EGF: variants seen among roughly 807,000 people sequenced by gnomAD.
EGF encodes the protein epidermal growth factor, also known as pro-epidermal growth factor.
EGF carries 95 observed loss-of-function variants against 143.8 expected under a neutral mutation model. That is an observed-to-expected ratio of 0.66 (90% CI 0.56 to 0.78). The LOEUF (loss-of-function observed/expected upper bound fraction) is 0.78. Ranked by LOEUF, EGF falls within the 30% of genes least tolerant of loss-of-function variation. The probability of loss-of-function intolerance (pLI) is 0.00; values close to 1 mark genes in which losing one functional copy is unlikely to be tolerated. For synonymous variants in EGF, 510 were observed against 510.5 expected (o/e 1.00, Z 0.01); for missense variants, 1,320 against 1,470.9 (o/e 0.90, Z 1.68).
chr4:109,968,707 T>TCTATCTACCTAC (rs139653683), intron 10 of EGF: 4 of 351,424 alleles, frequency 1.1e-5, no homozygotes, highest in African/African-American at 9.7e-5. Flanking sequence ...TATCTATCTA[T>TCTATCTACCTAC]CTACCTACCT....
intron 10 of EGF, among the ~76,000 whole-genome samples, chr4:109,967,491 T>C (rs1746791496): frequency 6.6e-6 from 1 of 152,174 alleles, no homozygotes; most frequent in Non-Finnish European, 1.5e-5. Flanking sequence ...CTTTATTTCT[T>C]TTTGCTTAGT....
Position 109,933,529 on chromosome 4 carries a change from C to T in EGF, c.128-7417C>T, listed in dbSNP as rs1210137584. Among the ~76,000 whole-genome samples the T allele has an allele frequency of 3.3e-5, 5 of 151,754 alleles. No individual in the cohort carries two copies. In the East Asian group the frequency reaches 5.8e-4, roughly 18 times the overall value. On this transcript the variant is annotated intron_variant, in intron 1 of 23. Transcript: ENST00000265171. ...TGTTTGTTTGCTGCACCCATCAACT[C>T]GTCGTTTACATTAGGTATTTCTCCC...
intron 7 of EGF, among the ~76,000 whole-genome samples, chr4:109,961,303 C>T (rs1463605700): frequency 1.3e-5 from 2 of 152,002 alleles, no homozygotes; most frequent in Non-Finnish European, 2.9e-5. Flanking sequence ...TGCAGTGAGC[C>T]GAAATCAAGC....
intron 16 of EGF, among the ~76,000 whole-genome samples, chr4:109,984,775 G>A (rs192540831): frequency 1.7e-3 from 257 of 152,294 alleles, no homozygotes; most frequent in African/African-American, 5.9e-3. Context: ...TTAAGTTAGT[G>A]ACTTGACCAA....
intron 21 of EGF, chr4:110,004,215 T>TACACACAG (rs1752944434): frequency 3.0e-6 from 1 of 335,564 alleles, no homozygotes; most frequent in Non-Finnish European, 5.4e-6. Flanking sequence ...TGGGCATACA[T>TACACACAG]ACACACACAC....
intron 2 of EGF, among the ~76,000 whole-genome samples, chr4:109,942,007 T>C (rs1256616212): frequency 1.3e-5 from 2 of 152,222 alleles, no homozygotes; most frequent in East Asian, 3.9e-4. Flanking sequence ...TAGCCAAATA[T>C]TTCTCTTTCC....
intron 1 of EGF, among the ~76,000 whole-genome samples, chr4:109,914,251 C>T (rs2125915905): frequency 6.6e-6 from 1 of 152,306 alleles, no homozygotes; most frequent in Admixed American, 6.5e-5. Flanking sequence ...GCTGCTTAGA[C>T]ACGGCAGCCG....
At chr4:109,940,385 A>G (rs1741705831) in intron 1 of EGF, among the ~76,000 whole-genome samples, 1 of 152,238 alleles carries the variant, frequency 6.6e-6, no homozygotes, top group African/African-American at 2.4e-5. Flanking sequence ...TGTGGTAAAG[A>G]TAACAGGGTC....
At chr4:109,988,812 G>A in intron 18 of EGF, 103 bp downstream of exon 18, 1 of 1,540,284 alleles carries the variant, frequency 6.5e-7, no homozygotes, top group Non-Finnish European at 8.9e-7. Flanking sequence ...TAATTGGGGT[G>A]ACACACATGT....
chr4:109,968,867 G>C (rs1215025552), intron 10 of EGF, 104 bp from the exon 11 acceptor site: 1 of 1,513,108 alleles, frequency 6.6e-7, no homozygotes, highest in African/African-American at 1.4e-5. Context: ...TATCTCCAAA[G>C]TCAAGCTCTT....
chr4:109,988,622 C>T lies in EGF; in HGVS notation c.2647C>T (p.Pro883Ser), dbSNP rs775907076. ...TGAGATGGGTGTCCCAGTGTGCCCC[C>T]CTGCCTCCTCCAAGTGCATCAACAC... ...ECEMGVPVCP[P>S]ASSKCINTEG... is the part of the protein sequence containing the mutation. The change falls in exon 18 of 24, where the codon CCT becomes TCT. Residue 883 changes from proline (P) to serine (S), a missense_variant. By Grantham distance (74) the Pro-to-Ser change is moderately conservative. Around this residue, in one of 5 missense-constraint regions of EGF, gnomAD observed 1,186 missense variants for 1,313.7 expected, o/e 0.90. Coordinates refer to ENST00000265171, the MANE Select transcript of EGF (RefSeq NM_001963.6). 1.9e-6 allele frequency: 3 copies of T among 1,614,078 alleles called. No homozygotes were observed. Among genetic ancestry groups the T allele is most frequent in the Admixed American group, 1.7e-5 (1 of 60,022 alleles).
intron 11 of EGF, among the ~76,000 whole-genome samples, chr4:109,971,959 T>C (rs1004479310): frequency 6.6e-6 from 1 of 152,124 alleles, no homozygotes; most frequent in Non-Finnish European, 1.5e-5. Context: ...ATTCCTAAAG[T>C]CAATTGCCTA....
rs1001924750 is a variant in EGF, at chr4:109,931,603, A to G, written c.128-9343A>G. Among the ~76,000 whole-genome samples, 5 of 152,206 alleles carry G rather than the reference A, an allele frequency of 3.3e-5. No homozygotes were observed. In the South Asian group the frequency reaches 1.0e-3, roughly 31 times the overall value. Reference sequence around the variant, plus strand: ...ATTGAATTTCCTCTTAATTAGATCCATGTTTTCCTGGTTCACCAAGACCTG... The same window carrying G: ...ATTGAATTTCCTCTTAATTAGATCCGTGTTTTCCTGGTTCACCAAGACCTG... On this transcript the variant is annotated intron_variant, in intron 1 of 23. Coordinates refer to ENST00000265171, the MANE Select transcript of EGF (RefSeq NM_001963.6).
chr4:109,943,404 C>A lies in EGF; in HGVS notation c.478C>A (p.Pro160Thr), dbSNP rs144013010. 6.2e-7 allele frequency: 1 copy of A among 1,613,546 alleles called. No homozygotes were observed. Among genetic ancestry groups the A allele is most frequent in the Admixed American group, 1.7e-5 (1 of 59,994 alleles). Residue 160 changes from proline (P) to threonine (T), a missense_variant, in exon 3 of 24, where the codon CCT becomes ACT. By Grantham distance (38) the Pro-to-Thr change is conservative (BLOSUM62 -1). Coordinates refer to ENST00000265171, the MANE Select transcript of EGF (RefSeq NM_001963.6). ...SHILLSALKYPANVAVDPVER... is the reference protein window; with the variant it reads ...SHILLSALKYTANVAVDPVER... ...CATTCTTTTAAGTGCTTTAAAATATCCTGCAAATGTAGCAGTTGATCCAGT... is the reference window on the plus strand; with the variant it reads ...CATTCTTTTAAGTGCTTTAAAATATACTGCAAATGTAGCAGTTGATCCAGT...
chr4:109,915,889 A>G (rs1410079717), intron 1 of EGF, among the ~76,000 whole-genome samples: 8 of 152,106 alleles, frequency 5.3e-5, no homozygotes, highest in Non-Finnish European at 2.9e-5. Context: ...GTTTCTTTCT[A>G]TTCCCCTCCC....
intron 5 of EGF, among the ~76,000 whole-genome samples, chr4:109,947,129 T>TA (rs574278151): frequency 0.057 from 8,327 of 145,710 alleles, 517 homozygotes; most frequent in East Asian, 0.18. Flanking sequence ...AAATTAAAAT[T>TA]AAAAAAAAAA....
intron 5 of EGF, among the ~76,000 whole-genome samples, chr4:109,957,118 A>C (rs1204985266): frequency 6.6e-6 from 1 of 152,210 alleles, no homozygotes; most frequent in Non-Finnish European, 1.5e-5. Context: ...ACTGAATCTT[A>C]CTGTTATTGG....
At chr4:109,919,752 G>A (rs1737449163) in intron 1 of EGF, among the ~76,000 whole-genome samples, 1 of 151,498 alleles carries the variant, frequency 6.6e-6, no homozygotes, top group Admixed American at 6.6e-5. Context: ...GATGAGAGAG[G>A]TAGGCCCCGG....
chr4:110,004,209 CAT>C, intron 21 of EGF: 3 of 385,066 alleles, frequency 7.8e-6, no homozygotes, highest in Non-Finnish European at 1.4e-5. Context: ...CATACATGGG[CAT>C]ACATACACAC....
Sources: gnomAD v4.1 joint callset for allele counts (sites outside exome capture counted in the v4.1 genomes callset) on GRCh38, gnomAD v4.1.1 for gene constraint, gnomAD v4.1.1 regional missense constraint, MANE v1.5 for transcripts, NCBI Gene and HGNC (gene_info 2026-07-23, HGNC 2026-07-21) for gene names.